The following DNAJB14 variants were observed in gnomAD, a reference collection of about 807,000 sequenced individuals.
DNAJB14 encodes the protein dnaJ homolog subfamily B member 14.
Under a neutral mutation model 48.4 loss-of-function variants are expected in DNAJB14, and 22 were observed. That is an observed-to-expected ratio of 0.45 (90% CI 0.32 to 0.65). The LOEUF is 0.65. DNAJB14 is among the 30% of genes least tolerant of loss of function. DNAJB14 has a pLI of 0.03. For synonymous variants in DNAJB14, 142 were observed against 158.7 expected (o/e 0.89, Z 0.79); for missense variants, 319 against 458.8 (o/e 0.70, Z 2.78).
At chr4:99,933,723 T>C (rs1341371660) in intron 1 of DNAJB14, among the ~76,000 whole-genome samples, 1 of 152,200 alleles carries the variant, frequency 6.6e-6, no homozygotes, top group African/African-American at 2.4e-5. Context: ...GAAAAAAGGC[T>C]ATGACATCAG....
At chr4:99,924,635 T>A in intron 2 of DNAJB14, 3 of 1,233,910 alleles carry the variant, frequency 2.4e-6, no homozygotes, top group Non-Finnish European at 3.4e-6. Context: ...TTCTAGGCAT[T>A]TGACATATAT....
chr4:99,930,365 A>G (rs1726418882), intron 2 of DNAJB14, 85 bp downstream of exon 2: 1 of 1,349,526 alleles, frequency 7.4e-7, no homozygotes. Context: ...TTCTAATGTT[A>G]TATTTCACTT....
chr4:99,937,717 C>T (rs1183457173), intron 1 of DNAJB14, among the ~76,000 whole-genome samples: 1 of 151,258 alleles, frequency 6.6e-6, no homozygotes, highest in Non-Finnish European at 1.5e-5. Context: ...CAAAGTGAGA[C>T]TCAAAAAAAG....
chr4:99,938,793 A>G (rs1409640311), intron 1 of DNAJB14, among the ~76,000 whole-genome samples: 1 of 152,168 alleles, frequency 6.6e-6, no homozygotes, highest in Admixed American at 6.5e-5. Context: ...AACTAAATGT[A>G]CTAATATAAA....
At chr4:99,940,518 G>A (rs1560750080) in intron 1 of DNAJB14, among the ~76,000 whole-genome samples, 1 of 152,148 alleles carries the variant, frequency 6.6e-6, no homozygotes, top group African/African-American at 2.4e-5. Flanking sequence ...TTGAACCCAG[G>A]AGGCGGAGGT....
In DNAJB14 at chr4:99,906,536, C is replaced by T. The variant is rs371012315; in HGVS notation, c.713G>A (p.Arg238Lys). Reference protein sequence around the residue: ...QHQHRHSGHEREEERGDGGFS... With the variant: ...QHQHRHSGHEKEEERGDGGFS... Reference sequence around the variant, plus strand: ...ACGTACATCTCCTCTTTCCTCTTCTCTTTCATGTCCACTATGTCGATGCTG... The same window carrying T: ...ACGTACATCTCCTCTTTCCTCTTCTTTTTCATGTCCACTATGTCGATGCTG... The change falls in exon 5 of 8, where the codon AGA becomes AAA. Residue 238 changes from arginine to lysine, a missense_variant. By Grantham distance (26) the Arg-to-Lys change is conservative (BLOSUM62 2). Transcript: ENST00000442697. 2 of 1,611,286 alleles carry T rather than the reference C, an allele frequency of 1.2e-6. No homozygotes were observed. Among genetic ancestry groups the T allele is most frequent in the African/African-American group, 2.7e-5 (2 of 74,812 alleles).
At chr4:99,924,613 G>A (rs928866254) in intron 2 of DNAJB14, 40 of 932,826 alleles carry the variant, frequency 4.3e-5, no homozygotes, top group Middle Eastern at 2.2e-4. Flanking sequence ...TACTAACTAT[G>A]CCCAGACAGT....
Position 99,908,713 on chromosome 4 carries a change from G to C in DNAJB14, c.635C>G (p.Ser212Ter). Residue 212 changes from serine to a stop codon, truncating the protein, a stop_gained and splice_region_variant, in exon 4 of 8, where the codon TCA (serine) becomes TGA (stop). Transcript: ENST00000442697. LOFTEE classifies it high-confidence loss of function. ...FNIFFGGGFP[S>*]GSVHSFSNGR... ...TATCTATAATTACATTAAAATACCT[G>C]AAGGAAATCCACCCCCAAAAAATAT... 6.3e-7 allele frequency: 1 copy of C among 1,584,170 alleles called. No individual in the cohort carries two copies. Among genetic ancestry groups the C allele is most frequent in the Non-Finnish European group, 8.6e-7 (1 of 1,168,432 alleles).
chr4:99,928,734 T>G (rs760991379), intron 2 of DNAJB14: 3 of 194,502 alleles, frequency 1.5e-5, no homozygotes, highest in Non-Finnish European at 3.1e-5. Context: ...ATATAGGTGA[T>G]TCTATATTCT....
Position 99,904,063 on chromosome 4 carries a change from T to G in DNAJB14, c.843-165A>C, listed in dbSNP as rs549633873. Among the ~76,000 whole-genome samples, 5 of 152,280 alleles carry G rather than the reference T, an allele frequency of 3.3e-5. No homozygotes were observed. In the South Asian group the frequency reaches 1.0e-3, roughly 32 times the overall value. ...CTGAAATCCGAAATGCTCTAAAATC[T>G]AAGACTTTCTGAGCATCGACAAGAT... On this transcript the variant is annotated intron_variant, in intron 6 of 7. Transcript: ENST00000442697.
At chr4:99,944,488 T>G (rs1384300916) in intron 1 of DNAJB14, among the ~76,000 whole-genome samples, 1 of 152,086 alleles carries the variant, frequency 6.6e-6, no homozygotes, top group Non-Finnish European at 1.5e-5. Flanking sequence ...CAAATGTCCA[T>G]AGACAGATGA....
chr4:99,938,281 A>G (rs990384853), intron 1 of DNAJB14, among the ~76,000 whole-genome samples: 1 of 151,396 alleles, frequency 6.6e-6, no homozygotes, highest in Non-Finnish European at 1.5e-5. Context: ...CAAGAAAAAA[A>G]AAAAGATGGT....
intron 3 of DNAJB14, among the ~76,000 whole-genome samples, chr4:99,919,807 TG>T (rs1413455714): frequency 6.6e-6 from 1 of 152,178 alleles, no homozygotes; most frequent in Admixed American, 6.5e-5. Context: ...TTCCTGAAAG[TG>T]GAAGTCCTCA....
chr4:99,902,329 T>G (rs1336955058), intron 7 of DNAJB14, among the ~76,000 whole-genome samples: 1 of 141,272 alleles, frequency 7.1e-6, no homozygotes, highest in Non-Finnish European at 1.5e-5. Flanking sequence ...CCCTTTCCAT[T>G]CCCATCCCAT....
intron 3 of DNAJB14, among the ~76,000 whole-genome samples, chr4:99,911,103 T>C (rs1725644981): frequency 6.6e-6 from 1 of 152,110 alleles, no homozygotes; most frequent in Non-Finnish European, 1.5e-5. Flanking sequence ...AAGAATATTA[T>C]ATTAATGAAA....
intron 1 of DNAJB14, among the ~76,000 whole-genome samples, chr4:99,931,612 A>T (rs920175332): frequency 1.3e-5 from 2 of 152,086 alleles, no homozygotes; most frequent in Admixed American, 6.5e-5. Flanking sequence ...TAGACATCAA[A>T]TTTATAAGCT....
At chr4:99,944,109 A>G (rs370089534) in intron 1 of DNAJB14, among the ~76,000 whole-genome samples, 43 of 152,314 alleles carry the variant, frequency 2.8e-4, no homozygotes, top group African/African-American at 9.9e-4. Context: ...CAAAAATGGG[A>G]TATTATAAAA....
At chr4:99,913,842 A>G (rs1725756860) in intron 3 of DNAJB14, among the ~76,000 whole-genome samples, 1 of 152,128 alleles carries the variant, frequency 6.6e-6, no homozygotes. Context: ...TACAACTTTA[A>G]TTCACTGAAC....
intron 2 of DNAJB14, chr4:99,927,248 G>A (rs2110212235): frequency 6.6e-6 from 1 of 152,274 alleles, no homozygotes. Flanking sequence ...TATGTGCATG[G>A]AAGCATAGTT....
Sources: allele counts gnomAD v4.1 joint callset (sites outside exome capture counted in the v4.1 genomes callset), GRCh38; gene constraint gnomAD v4.1.1; transcripts MANE v1.5; gene names NCBI Gene and HGNC (gene_info 2026-07-23, HGNC 2026-07-21).